The following CNTN6 variants were observed in gnomAD, a reference collection of about 807,000 sequenced individuals.
CNTN6 encodes the protein contactin-6.
A neutral mutation model predicts 122.8 loss-of-function variants in CNTN6; 137 were observed. The observed-to-expected ratio is 1.12, with a 90% confidence interval of 0.97 to 1.29. The LOEUF is 1.29. Among genes scored for constraint, CNTN6 ranks in the 50% most tolerant of loss-of-function variants. The probability of loss-of-function intolerance (pLI) is 0.00; values close to 1 mark genes in which losing one functional copy is unlikely to be tolerated. For synonymous variants in CNTN6, 570 were observed against 426.0 expected, an observed-to-expected ratio of 1.34 and a Z score of -4.16; for missense variants, 1,634 against 1,223.4, an observed-to-expected ratio of 1.34 and a Z score of -5.01.
At chr3:1,156,289 T>A (rs1004133051) in intron 2 of CNTN6, among the ~76,000 whole-genome samples, 1 of 152,226 alleles carries the variant, frequency 6.6e-6, no homozygotes, top group African/African-American at 2.4e-5. Flanking sequence ...AGTAACATAT[T>A]CTTCCATTTT....
At chr3:1,134,867 A>G (rs1243749912) in intron 1 of CNTN6, among the ~76,000 whole-genome samples, 1 of 152,178 alleles carries the variant, frequency 6.6e-6, no homozygotes, top group Non-Finnish European at 1.5e-5. Context: ...GAATGCAGGA[A>G]GCACACAAGC....
At chr3:1,159,028 C>G (rs2093060330) in intron 2 of CNTN6, among the ~76,000 whole-genome samples, 1 of 148,080 alleles carries the variant, frequency 6.8e-6, no homozygotes, top group South Asian at 2.1e-4. Flanking sequence ...TCAAGTGATC[C>G]TTTTGCTTAA....
At chr3:1,201,557 G>C (rs796515518) in intron 2 of CNTN6, among the ~76,000 whole-genome samples, 1 of 152,056 alleles carries the variant, frequency 6.6e-6, no homozygotes, top group Non-Finnish European at 1.5e-5. Context: ...CACAAGATTC[G>C]ATTAGATAAA....
intron 19 of CNTN6, among the ~76,000 whole-genome samples, 167 bp from the exon 20 acceptor site, chr3:1,385,444 T>TAACAA (rs1263349027): frequency 6.6e-6 from 1 of 152,354 alleles, no homozygotes; most frequent in East Asian, 1.9e-4. Flanking sequence ...TATTAGAGAA[T>TAACAA]AACAATTTTG....
rs55856401 is a variant in CNTN6, at chr3:1,384,288, A to ATT, written c.2517+888_2517+889dup. On this transcript the variant is annotated intron_variant, in intron 19 of 22. Transcript: ENST00000446702. ...ATGATTAATTATTCAAATTGCAGTC[A>ATT]TTTTTTTTTCCCTTGGTAAGAGGTG... Among the ~76,000 whole-genome samples, 189 of 151,086 alleles carry ATT rather than the reference A, an allele frequency of 1.3e-3. 1 individual carries two copies. Among genetic ancestry groups the ATT allele is most frequent in the African/African-American group, 2.6e-3 (107 of 41,118 alleles).
chr3:1,319,775 A>G (rs762233819), intron 7 of CNTN6, among the ~76,000 whole-genome samples: 24 of 151,156 alleles, frequency 1.6e-4, no homozygotes, highest in Non-Finnish European at 3.3e-4. Context: ...TTTTTATTAC[A>G]CTGGTAATGC....
At chr3:1,160,344 G>GTATATATATATATATATATACATATA (rs2093097347) in intron 2 of CNTN6, among the ~76,000 whole-genome samples, 2 of 111,132 alleles carry the variant, frequency 1.8e-5, no homozygotes, top group African/African-American at 3.6e-5. Context: ...TACTTTTACT[G>GTATATATATATATATATATACATATA]TATATATATA....
Position 1,325,942 on chromosome 3 carries a change from C to G in CNTN6, c.1074C>G (p.Leu358=). The change falls in exon 9 of 23, where the codon CTC becomes CTG. Residue 358 remains leucine (L), a synonymous_variant. Coordinates refer to ENST00000446702, the MANE Select transcript of CNTN6 (RefSeq NM_001289080.2). The stretch of plus-strand genomic sequence containing the variant: ...CATGGTTAAAAAATGGTGAACGACT[C>G]AACCCAGAGGTAAGCAACTATGTTG... ...WYTWLKNGER[L]NPEERIQIEN... is the part of the protein sequence containing the mutation. The G allele has an allele frequency of 6.2e-7, 1 of 1,610,716 alleles. No homozygotes were observed. The highest frequency in any genetic ancestry group is 8.5e-7 in the Non-Finnish European group (1 of 1,178,178).
intron 4 of CNTN6, among the ~76,000 whole-genome samples, chr3:1,249,363 A>G (rs2094627086): frequency 6.6e-6 from 1 of 152,148 alleles, no homozygotes; most frequent in African/African-American, 2.4e-5. Flanking sequence ...AATAAGGTCT[A>G]TTTTCTGTAT....
intron 2 of CNTN6, among the ~76,000 whole-genome samples, chr3:1,170,754 A>G (rs966885013): frequency 1.3e-5 from 2 of 152,146 alleles, no homozygotes; most frequent in African/African-American, 4.8e-5. Flanking sequence ...ACTGCTGGGT[A>G]CTTAACTTTT....
intron 2 of CNTN6, among the ~76,000 whole-genome samples, chr3:1,157,480 G>A (rs1021245575): frequency 9.2e-5 from 14 of 152,154 alleles, no homozygotes; most frequent in Non-Finnish European, 1.6e-4. Context: ...GTCTCCCAAA[G>A]TGCTGGGATT....
intron 6 of CNTN6, 50 bp from the exon 7 acceptor site, chr3:1,297,839 G>T: frequency 7.0e-7 from 1 of 1,437,876 alleles, no homozygotes; most frequent in Non-Finnish European, 9.7e-7. Context: ...TTACTTCATA[G>T]AAAACTTCTA....
chr3:1,372,331 A>T lies in CNTN6; in HGVS notation c.1525A>T (p.Met509Leu). 1.2e-6 allele frequency: 2 copies of T among 1,610,964 alleles called. No homozygotes were observed. Among genetic ancestry groups the T allele is most frequent in the Non-Finnish European group, 1.7e-6 (2 of 1,178,768 alleles). Reference protein sequence around the residue: ...RTVITVPPSKMDVTVGESIVL... With the variant: ...RTVITVPPSKLDVTVGESIVL... ...TGTCATTACCGTCCCACCTTCCAAA[A>T]TGGATGTTACAGTTGGCGAGAGTAT... The change falls in exon 13 of 23, where the codon ATG becomes TTG. Residue 509 changes from methionine (M) to leucine (L), a missense_variant. Physicochemically the swap from Met to Leu is conservative, Grantham distance 15. Transcript: ENST00000446702.
At chr3:1,267,898 A>C (rs1191376957) in intron 4 of CNTN6, among the ~76,000 whole-genome samples, 1 of 150,314 alleles carries the variant, frequency 6.7e-6, no homozygotes, top group African/African-American at 2.5e-5. Flanking sequence ...AAAAAAAAAC[A>C]CGTCCCTTGA....
At chr3:1,299,077 A>C (rs1281867891) in intron 7 of CNTN6, among the ~76,000 whole-genome samples, 2 of 152,210 alleles carry the variant, frequency 1.3e-5, no homozygotes, top group Non-Finnish European at 2.9e-5. Flanking sequence ...TCTTTGAATG[A>C]AATTTCTCAG....
intron 2 of CNTN6, among the ~76,000 whole-genome samples, chr3:1,181,150 A>G (rs574104523): frequency 1.3e-4 from 20 of 152,230 alleles, no homozygotes; most frequent in Non-Finnish European, 2.4e-4. Context: ...AAAGCTTTTT[A>G]TACATTCTAA....
chr3:1,136,203 G>A (rs2092468173), intron 1 of CNTN6, among the ~76,000 whole-genome samples: 1 of 152,148 alleles, frequency 6.6e-6, no homozygotes, highest in Non-Finnish European at 1.5e-5. Flanking sequence ...AGCAGTCTGT[G>A]TGGTAGGTAG....
chr3:1,234,546 G>C (rs947433124), intron 4 of CNTN6, among the ~76,000 whole-genome samples: 20 of 152,210 alleles, frequency 1.3e-4, no homozygotes, highest in African/African-American at 4.6e-4. Context: ...AAGAAATTAA[G>C]ACCCAGCAGA....
intron 11 of CNTN6, among the ~76,000 whole-genome samples, chr3:1,349,455 C>A (rs4684123): frequency 0.087 from 13,175 of 151,358 alleles, 694 homozygotes; most frequent in Non-Finnish European, 0.12. Context: ...ATTTTAATGT[C>A]GTTCATTGAT....
Sources: gnomAD v4.1 joint callset for allele counts (sites outside exome capture counted in the v4.1 genomes callset) on GRCh38, gnomAD v4.1.1 for gene constraint, MANE v1.5 for transcripts, NCBI Gene and HGNC (gene_info 2026-07-23, HGNC 2026-07-21) for gene names.